The following ITSN2 variants were observed in gnomAD, a reference collection of about 807,000 sequenced individuals.
The protein encoded by ITSN2 is intersectin-2.
Under a neutral mutation model 243.7 loss-of-function variants are expected in ITSN2, and 156 were observed. That is an observed-to-expected ratio of 0.64 (90% confidence interval 0.56 to 0.73). The LOEUF is 0.73. ITSN2 is among the 30% of genes least tolerant of loss of function. The pLI is 0.00. For missense variants in ITSN2, 1,801 were observed against 1,996.1 expected, an observed-to-expected ratio of 0.90 and a Z score of 1.86; for synonymous variants, 703 against 699.9, an observed-to-expected ratio of 1.00 and a Z score of -0.07.
intron 18 of ITSN2, among the ~76,000 whole-genome samples, chr2:24,272,765 T>C (rs1677528542): frequency 6.6e-6 from 1 of 152,166 alleles, no homozygotes; most frequent in Non-Finnish European, 1.5e-5. Flanking sequence ...CAAAAAGTCT[T>C]TTTTGTTTGC....
chr2:24,217,887 A>C lies in ITSN2; in HGVS notation c.3806+20T>G. The C allele has an allele frequency of 1.9e-6, 3 of 1,558,310 alleles. No homozygotes were observed. Among genetic ancestry groups the C allele is most frequent in the Non-Finnish European group, 2.7e-6 (3 of 1,130,156 alleles). Reference sequence around the variant, plus strand: ...GGGCTTTGGGGTCAGCGGCAATGACAGGTGATGCTCAGGACTCACTTCAGC... The same window carrying C: ...GGGCTTTGGGGTCAGCGGCAATGACCGGTGATGCTCAGGACTCACTTCAGC... On this transcript the variant is annotated intron_variant, in intron 31 of 39. Coordinates refer to ENST00000355123, the MANE Select transcript of ITSN2 (RefSeq NM_006277.3).
intron 11 of ITSN2, 148 bp from the exon 12 acceptor site, chr2:24,300,319 G>A: frequency 2.8e-6 from 2 of 720,232 alleles, no homozygotes; most frequent in East Asian, 2.7e-5. Context: ...TCAAATCTAA[G>A]TGGAAAAATA....
At chr2:24,245,303 A>ATC (rs1454339786) in intron 29 of ITSN2, among the ~76,000 whole-genome samples, 2 of 152,324 alleles carry the variant, frequency 1.3e-5, no homozygotes, top group African/African-American at 2.4e-5. Context: ...AAAGGTGACT[A>ATC]TCTAAAGAAT....
At chr2:24,356,199 T>A (rs1266666793) in intron 1 of ITSN2, among the ~76,000 whole-genome samples, 1 of 31,118 alleles carries the variant, frequency 3.2e-5, no homozygotes, top group Admixed American at 4.4e-4. Context: ...CGAGACTCCA[T>A]CTCAAAAAAA....
intron 29 of ITSN2, among the ~76,000 whole-genome samples, chr2:24,236,099 A>C (rs1327557446): frequency 1.5e-5 from 1 of 65,026 alleles, no homozygotes; most frequent in East Asian, 4.7e-4. Flanking sequence ...AAACAACCCA[A>C]ATGTCCACTA....
At chr2:24,286,973 A>G (rs1369231810) in intron 15 of ITSN2, among the ~76,000 whole-genome samples, 1 of 152,212 alleles carries the variant, frequency 6.6e-6, no homozygotes. Context: ...AAATAGCAAT[A>G]TTATCTGTTT....
At chr2:24,334,521 A>G (rs182230793) in intron 1 of ITSN2, 24 of 783,688 alleles carry the variant, frequency 3.1e-5, no homozygotes, top group African/African-American at 5.1e-5. Flanking sequence ...CATGGTGAAC[A>G]TTCCTAAAAC....
In ITSN2 at chr2:24,211,217, G is replaced by A. The variant is rs570658587; in HGVS notation, c.4090-270C>T. ...CTGTGTGGGTCTCTGGTTGCTCTCC[G>A]ACTGGCTCCCGGTAATAGGCGGGAG... On this transcript the variant is annotated intron_variant, in intron 33 of 39. Transcript: ENST00000355123. This position sits in a 1 kb window ranked among gnomAD's most constrained non-coding sequence, Gnocchi z 4.1. 9.3e-4 allele frequency among the ~76,000 whole-genome samples: 142 copies of A among 152,002 alleles called. No individual in the cohort carries two copies. Among genetic ancestry groups the A allele is most frequent in the African/African-American group, 3.2e-3 (134 of 41,438 alleles).
chr2:24,336,015 G>A (rs1339203994), intron 1 of ITSN2, among the ~76,000 whole-genome samples: 5 of 151,730 alleles, frequency 3.3e-5, no homozygotes, highest in South Asian at 2.1e-4. Context: ...GCCGAGGCAG[G>A]TGGATCACGA....
At chr2:24,282,719 A>G (rs986617664) in intron 17 of ITSN2, among the ~76,000 whole-genome samples, 2 of 152,192 alleles carry the variant, frequency 1.3e-5, no homozygotes, top group African/African-American at 4.8e-5. Flanking sequence ...GCACTGAAGA[A>G]GTGAGCCACA....
chr2:24,335,733 G>C (rs1162236984), intron 1 of ITSN2, among the ~76,000 whole-genome samples: 1 of 151,960 alleles, frequency 6.6e-6, no homozygotes, highest in Admixed American at 6.5e-5. Flanking sequence ...CCGCCTCCCT[G>C]GTTCAAGTGA....
chr2:24,354,910 C>T (rs1688313365), intron 1 of ITSN2, among the ~76,000 whole-genome samples: 1 of 152,206 alleles, frequency 6.6e-6, no homozygotes, highest in Non-Finnish European at 1.5e-5. Flanking sequence ...GTAAATAAAT[C>T]ATTTAATGTC....
intron 20 of ITSN2, among the ~76,000 whole-genome samples, chr2:24,265,834 T>G (rs1353787675): frequency 6.6e-6 from 1 of 152,220 alleles, no homozygotes; most frequent in Non-Finnish European, 1.5e-5. Flanking sequence ...TTATTTAAGG[T>G]ATTCTCTTCT....
intron 29 of ITSN2, among the ~76,000 whole-genome samples, chr2:24,242,432 C>G (rs1573976697): frequency 6.6e-6 from 1 of 151,888 alleles, no homozygotes; most frequent in East Asian, 1.9e-4. Flanking sequence ...TTGACTATTA[C>G]AAGAACTACA....
chr2:24,352,025 T>G (rs550609267), intron 1 of ITSN2, among the ~76,000 whole-genome samples: 1 of 152,362 alleles, frequency 6.6e-6, no homozygotes, highest in South Asian at 2.1e-4. Flanking sequence ...AGTATATTGT[T>G]ATAATTGTTC....
chr2:24,290,250 T>C (rs542042601), intron 15 of ITSN2, among the ~76,000 whole-genome samples: 5 of 152,326 alleles, frequency 3.3e-5, no homozygotes, highest in South Asian at 4.1e-4. Context: ...TTTTTGCTAA[T>C]TGGCAAAAAA....
chr2:24,355,401 C>G (rs908310729), intron 1 of ITSN2, among the ~76,000 whole-genome samples: 1 of 152,150 alleles, frequency 6.6e-6, no homozygotes, highest in Non-Finnish European at 1.5e-5. Flanking sequence ...GCCAATGGAG[C>G]AGAACAGAGA....
intron 25 of ITSN2, among the ~76,000 whole-genome samples, chr2:24,251,729 C>A (rs548004527): frequency 6.7e-6 from 1 of 149,918 alleles, no homozygotes; most frequent in Non-Finnish European, 1.5e-5. Flanking sequence ...CATAAAAGCA[C>A]GTTATTTATG....
intron 15 of ITSN2, 136 bp from the exon 16 acceptor site, chr2:24,286,487 A>G: frequency 1.6e-6 from 1 of 619,824 alleles, no homozygotes; most frequent in Non-Finnish European, 2.8e-6. Flanking sequence ...CCAGTACAAG[A>G]GAAAACATTC....
Sources: gnomAD v4.1 joint callset for allele counts (sites outside exome capture counted in the v4.1 genomes callset) on GRCh38, gnomAD v4.1.1 for gene constraint, Gnocchi (gnomAD v3.1) non-coding constraint, MANE v1.5 for transcripts, NCBI Gene and HGNC (gene_info 2026-07-23, HGNC 2026-07-21) for gene names.